The following CABLES1 variants were observed in gnomAD, a reference collection of about 807,000 sequenced individuals.
CABLES1 encodes the protein CDK5 and ABL1 enzyme substrate 1.
CABLES1 carries 36 observed loss-of-function variants against 57.8 expected under a neutral mutation model. The observed-to-expected ratio is 0.62, with a 90% CI of 0.48 to 0.82. The LOEUF is 0.82. CABLES1 is among the 40% of genes least tolerant of loss of function. The probability of loss-of-function intolerance (pLI) is 0.00; values close to 1 mark genes in which losing one functional copy is unlikely to be tolerated. For missense variants in CABLES1, 767 were observed against 836.6 expected (o/e 0.92, Z 1.03); for synonymous variants, 374 against 363.0 (o/e 1.03, Z -0.35).
chr18:23,213,901 T>C (rs1164890602), intron 3 of CABLES1, 76 bp from the exon 4 acceptor site: 5 of 930,692 alleles, frequency 5.4e-6, no homozygotes, highest in Non-Finnish European at 8.4e-6. Context: ...AATGCTTAAT[T>C]GCTATAGATT....
Position 23,136,151 on chromosome 18 carries a change from CG to C in CABLES1, c.393del (p.Leu132Ter). 8.3e-7 allele frequency: 1 copy of C among 1,208,616 alleles called. No individual in the cohort carries two copies. Among genetic ancestry groups the C allele is most frequent in the Non-Finnish European group, 1.0e-6 (1 of 973,434 alleles). The allele number at this position is 1,208,616 out of a possible 1,614,324, so 74.9% of individuals were successfully genotyped here. The stretch of plus-strand genomic sequence containing the variant: ...CTCGCCGCGCCGGGCACGCCGGCTG[CG>C]GGGTTAGCCGCTGGGTCCGGCCCCT... ...IALAAPGTPA[A>X]GLAAGSGPCL... On this transcript the variant is annotated frameshift_variant, in exon 1 of 10. Coordinates refer to ENST00000256925, the MANE Select transcript of CABLES1 (RefSeq NM_001100619.3). LOFTEE classifies it high-confidence loss of function.
intron 1 of CABLES1, chr18:23,155,894 C>T (rs2046961991): frequency 6.2e-7 from 1 of 1,613,830 alleles, no homozygotes; most frequent in African/African-American, 1.3e-5. Flanking sequence ...CCTCTGCCTC[C>T]TTCCTTGAAT....
chr18:23,146,832 G>A (rs750057339), intron 1 of CABLES1, among the ~76,000 whole-genome samples: 3 of 152,038 alleles, frequency 2.0e-5, no homozygotes, highest in South Asian at 2.1e-4. Context: ...AAACTCTATC[G>A]TAGCTGTACC....
chr18:23,245,764 C>T (rs977588094), intron 7 of CABLES1, among the ~76,000 whole-genome samples: 1 of 152,240 alleles, frequency 6.6e-6, no homozygotes, highest in African/African-American at 2.4e-5. Context: ...CAGCTGTGCA[C>T]ACAGCTTCCC....
chr18:23,239,458 G>A (rs1014160517), intron 7 of CABLES1, among the ~76,000 whole-genome samples: 3 of 152,206 alleles, frequency 2.0e-5, no homozygotes, highest in African/African-American at 7.2e-5. Flanking sequence ...TTGACAGTGT[G>A]TTGTGTATTA....
chr18:23,160,786 C>T (rs1488650572), intron 1 of CABLES1, among the ~76,000 whole-genome samples: 1 of 152,070 alleles, frequency 6.6e-6, no homozygotes, highest in African/African-American at 2.4e-5. Context: ...GTAATCCCAG[C>T]ACTTTGGGAG....
chr18:23,176,173 A>G (rs1313866228), intron 1 of CABLES1, among the ~76,000 whole-genome samples: 2 of 152,124 alleles, frequency 1.3e-5, no homozygotes, highest in East Asian at 3.9e-4. Context: ...GTGGTCCCCA[A>G]CCTTTTTTGG....
chr18:23,165,756 G>C (rs1043458231), intron 1 of CABLES1, among the ~76,000 whole-genome samples: 21 of 152,208 alleles, frequency 1.4e-4, no homozygotes, highest in Middle Eastern at 3.4e-3. Flanking sequence ...TTCATTCTTC[G>C]ATGGACACTT....
chr18:23,242,386 C>A (rs955165848), intron 7 of CABLES1, among the ~76,000 whole-genome samples: 4 of 152,162 alleles, frequency 2.6e-5, no homozygotes, highest in African/African-American at 9.6e-5. Flanking sequence ...GTTGAGCCAC[C>A]TGGCTACGTG....
At chr18:23,230,734 A>G (rs1209270930) in intron 4 of CABLES1, among the ~76,000 whole-genome samples, 1 of 152,190 alleles carries the variant, frequency 6.6e-6, no homozygotes, top group East Asian at 1.9e-4. Flanking sequence ...CTGAGGGGAA[A>G]TTGAGACTCA....
intron 1 of CABLES1, among the ~76,000 whole-genome samples, chr18:23,180,884 G>A (rs988804404): frequency 2.6e-5 from 4 of 152,140 alleles, no homozygotes; most frequent in African/African-American, 9.7e-5. Context: ...GGAGGCTTCC[G>A]CCCAGAAAGT....
At chr18:23,210,160 T>G (rs80200731) in intron 3 of CABLES1, among the ~76,000 whole-genome samples, 662 of 4,416 alleles carry the variant, frequency 0.15, 4 homozygotes, top group African/African-American at 0.26. Flanking sequence ...TCCTTTGCTA[T>G]TTTTTTTCCT....
chr18:23,159,895 A>G (rs1182418626), intron 1 of CABLES1, among the ~76,000 whole-genome samples: 1 of 145,178 alleles, frequency 6.9e-6, no homozygotes, highest in African/African-American at 2.5e-5. Flanking sequence ...TTTTTTTTTT[A>G]AACTTGTTGG....
At chr18:23,256,466 C>T (rs1036099219) in intron 9 of CABLES1, among the ~76,000 whole-genome samples, 7 of 152,136 alleles carry the variant, frequency 4.6e-5, no homozygotes, top group Non-Finnish European at 7.3e-5. Flanking sequence ...TATTGTCGTG[C>T]GTGGTTTGCT....
rs76510341 is a variant in CABLES1, at chr18:23,244,005, A to G, written c.1446+6760A>G. Among the ~76,000 whole-genome samples the G allele has an allele frequency of 1.6e-3, 246 of 152,178 alleles. 5 individuals carry two copies. The East Asian group carries it at 0.037, about 23-fold the overall frequency. ...GTGATTTTGACATTTCACCCAGGATATTGCAACATCTGCTCTCTTTCTATG... is the reference window on the plus strand; with the variant it reads ...GTGATTTTGACATTTCACCCAGGATGTTGCAACATCTGCTCTCTTTCTATG... On this transcript the variant is annotated intron_variant, in intron 7 of 9. Coordinates refer to ENST00000256925, the MANE Select transcript of CABLES1 (RefSeq NM_001100619.3).
At chr18:23,154,082 G>T (rs1369311026) in intron 1 of CABLES1, among the ~76,000 whole-genome samples, 1 of 151,848 alleles carries the variant, frequency 6.6e-6, no homozygotes, top group African/African-American at 2.4e-5. Context: ...AATTTCAGTT[G>T]AACACATATA....
chr18:23,251,839 AC>A (rs2048045744), intron 7 of CABLES1, among the ~76,000 whole-genome samples: 1 of 152,132 alleles, frequency 6.6e-6, no homozygotes, highest in South Asian at 2.1e-4. Context: ...TAATCCCAGA[AC>A]TTTGGGAGGC....
Position 23,187,693 on chromosome 18 carries a change from A to T in CABLES1, c.846-1145A>T, listed in dbSNP as rs77589839. ...TGAGCCACCGTGCCTGGCCACAAGT[A>T]TTTTTTTTTTAAAGGATTTGAGCAT... On this transcript the variant is annotated intron_variant, in intron 1 of 9. Coordinates refer to ENST00000256925, the MANE Select transcript of CABLES1 (RefSeq NM_001100619.3). Among the ~76,000 whole-genome samples the T allele has an allele frequency of 4.4e-4, 66 of 150,466 alleles. 1 individual carries two copies. The East Asian group carries it at 6.2e-3, about 14-fold the overall frequency.
intron 1 of CABLES1, among the ~76,000 whole-genome samples, chr18:23,153,858 C>G (rs760669314): frequency 6.6e-6 from 1 of 152,108 alleles, no homozygotes; most frequent in African/African-American, 2.4e-5. Context: ...TGGCAAAACC[C>G]CATCTCTACT....
Sources: allele counts gnomAD v4.1 joint callset (sites outside exome capture counted in the v4.1 genomes callset), GRCh38; gene constraint gnomAD v4.1.1; transcripts MANE v1.5; gene names NCBI Gene and HGNC (gene_info 2026-07-23, HGNC 2026-07-21).